ZSWIM6: variants seen among roughly 807,000 people sequenced by gnomAD.
ZSWIM6 encodes the protein zinc finger SWIM domain-containing protein 6.
Under a neutral mutation model 113.2 loss-of-function variants are expected in ZSWIM6, and 9 were observed. The observed-to-expected ratio is 0.08, with a 90% confidence interval of 0.05 to 0.14. The LOEUF is 0.14. ZSWIM6 is among the 10% of genes least tolerant of loss of function. The pLI is 1.00. For synonymous variants in ZSWIM6, 611 were observed against 606.5 expected (o/e 1.01, Z -0.11); for missense variants, 1,162 against 1,552.2 (o/e 0.75, Z 4.22).
chr5:61,417,474 T>C (rs1211240423), intron 1 of ZSWIM6, among the ~76,000 whole-genome samples: 1 of 152,182 alleles, frequency 6.6e-6, no homozygotes, highest in Non-Finnish European at 1.5e-5. Context: ...GGGTACTGTT[T>C]TTAGGTATGG....
At chr5:61,386,710 A>T (rs919908793) in intron 1 of ZSWIM6, among the ~76,000 whole-genome samples, 3 of 152,202 alleles carry the variant, frequency 2.0e-5, no homozygotes, top group African/African-American at 7.2e-5. Context: ...GCTAATCAGG[A>T]ATATATTTTG....
At chr5:61,337,285 CA>C (rs78369484) in intron 1 of ZSWIM6, among the ~76,000 whole-genome samples, 9 of 150,268 alleles carry the variant, frequency 6.0e-5, no homozygotes, top group Non-Finnish European at 8.9e-5. Flanking sequence ...TCTCCCCCCC[CA>C]AAAAAAACAA....
intron 2 of ZSWIM6, among the ~76,000 whole-genome samples, chr5:61,484,655 A>G (rs1445174480): frequency 6.6e-6 from 1 of 152,226 alleles, no homozygotes; most frequent in Non-Finnish European, 1.5e-5. Flanking sequence ...TGTGGGATAC[A>G]GTTATAGACC....
At position 61,530,113 on chromosome 5, in the gene ZSWIM6, G is replaced by A; in HGVS notation, c.1899G>A (p.Leu633=). 6.4e-7 allele frequency: 1 copy of A among 1,551,704 alleles called. No individual in the cohort carries two copies. The highest frequency in any genetic ancestry group is 1.2e-5 in the South Asian group (1 of 84,044). The change falls in exon 8 of 14, where the codon CTG becomes CTA. Residue 633 remains leucine, a synonymous_variant. Coordinates refer to ENST00000252744, the MANE Select transcript of ZSWIM6 (RefSeq NM_020928.2). ...TGGAGGGCTGGGTTGGACATCCCCT[G>A]GACCCTGTGGGCACTCTCTTCAGTA... ...TNLEGWVGHP[L]DPVGTLFSSL...
intron 1 of ZSWIM6, among the ~76,000 whole-genome samples, chr5:61,452,671 A>C (rs772432546): frequency 6.6e-6 from 1 of 152,140 alleles, no homozygotes; most frequent in Admixed American, 6.6e-5. Context: ...AACCTCCCCT[A>C]ATGTTAATAT....
chr5:61,411,771 G>A (rs1746152119), intron 1 of ZSWIM6, among the ~76,000 whole-genome samples: 1 of 152,082 alleles, frequency 6.6e-6, no homozygotes, highest in Non-Finnish European at 1.5e-5. Flanking sequence ...GGTCTCTCTT[G>A]GGCCTCTTTT....
rs1476285501 is a variant in ZSWIM6 at position 61,472,849 on chromosome 5, G to A, written c.845G>A (p.Arg282His). ...CATGTTGTGGCACTGTCTTTATACCGCATCCGCAAGCCAGATCAGGTCAAA... is the reference window on the plus strand; with the variant it reads ...CATGTTGTGGCACTGTCTTTATACCACATCCGCAAGCCAGATCAGGTCAAA... ...CAHVVALSLY[R>H]IRKPDQVKLH... The change falls in exon 2 of 14, where the codon CGC becomes CAC. Residue 282 changes from arginine to histidine, a missense_variant. Around this residue, in one of 4 missense-constraint regions of ZSWIM6, gnomAD observed 96 missense variants for 240.3 expected, o/e 0.40. Transcript: ENST00000252744. This position sits in a 1 kb window ranked among gnomAD's most constrained non-coding sequence, Gnocchi z 4.1. 1 of 1,551,412 alleles carries A rather than the reference G, an allele frequency of 6.4e-7. No homozygotes were observed. The highest frequency in any genetic ancestry group is 8.7e-7 in the Non-Finnish European group (1 of 1,146,936).
rs112067821 is a variant in ZSWIM6, at chr5:61,336,538, A to T, written c.676+3590A>T. 1.9e-4 allele frequency among the ~76,000 whole-genome samples: 29 copies of T among 152,284 alleles called. 2 individuals are homozygous for T. The highest frequency in any genetic ancestry group is 7.0e-4 in the African/African-American group (29 of 41,562). ...TTTGGGAGGCTGAGGTGGGTGGATC[A>T]TTTGAGGTCAGGAGTTCGAGAGCAG... On this transcript the variant is annotated intron_variant, in intron 1 of 13. Coordinates refer to ENST00000252744, the MANE Select transcript of ZSWIM6 (RefSeq NM_020928.2).
intron 4 of ZSWIM6, among the ~76,000 whole-genome samples, chr5:61,496,936 T>C (rs938233589): frequency 1.3e-5 from 2 of 152,172 alleles, no homozygotes; most frequent in Non-Finnish European, 2.9e-5. Context: ...TGAATCATTA[T>C]ACTTGTCAAC....
At chr5:61,396,933 A>G (rs1417600474) in intron 1 of ZSWIM6, among the ~76,000 whole-genome samples, 1 of 152,238 alleles carries the variant, frequency 6.6e-6, no homozygotes, top group African/African-American at 2.4e-5. Flanking sequence ...AAACATAATA[A>G]CAATAAATTT....
At position 61,531,656 on chromosome 5, in the gene ZSWIM6, C is replaced by T; in HGVS notation, c.2176C>T (p.Leu726Phe). 1 of 1,551,692 alleles carries T rather than the reference C, an allele frequency of 6.4e-7. No individual in the cohort carries two copies. The highest frequency in any genetic ancestry group is 8.7e-7 in the Non-Finnish European group (1 of 1,146,980). ...GAATGAGGAGCAGCTCATTTCTAAG[C>T]TTCAGGAAATTGAATTGGATGACAC... ...CRNEEQLISKLQEIELDDTLV... is the reference protein window; with the variant it reads ...CRNEEQLISKFQEIELDDTLV... Residue 726 changes from leucine (L) to phenylalanine (F), a missense_variant, in exon 9 of 14, where the codon CTT becomes TTT. Transcript: ENST00000252744.
At chr5:61,401,345 G>A (rs143374032) in intron 1 of ZSWIM6, among the ~76,000 whole-genome samples, 1,748 of 152,238 alleles carry the variant, frequency 0.011, 23 homozygotes, top group Non-Finnish European at 0.02. Context: ...TCAAAAGACT[G>A]TAACTTTAAA....
chr5:61,378,410 G>A (rs765103389), intron 1 of ZSWIM6, among the ~76,000 whole-genome samples: 25 of 152,274 alleles, frequency 1.6e-4, no homozygotes, highest in Non-Finnish European at 3.4e-4. Context: ...TTTTGCTGCC[G>A]TTTGAGGAGA....
At chr5:61,538,575 G>C (rs2112288242) in intron 10 of ZSWIM6, among the ~76,000 whole-genome samples, 1 of 152,252 alleles carries the variant, frequency 6.6e-6, no homozygotes, top group South Asian at 2.1e-4. Context: ...TTAGGTTTGG[G>C]TGATGAACAA....
In ZSWIM6 at chr5:61,483,602, C is replaced by T. The variant is rs1747936314; in HGVS notation, c.1034-7184C>T. Reference sequence around the variant, plus strand: ...ATATAATAGTGTCTGGGTATGGTGGCTCACACCTGTAATCCCAGCACTTTG... The same window carrying T: ...ATATAATAGTGTCTGGGTATGGTGGTTCACACCTGTAATCCCAGCACTTTG... On this transcript the variant is annotated intron_variant, in intron 2 of 13. Coordinates refer to ENST00000252744, the MANE Select transcript of ZSWIM6 (RefSeq NM_020928.2). Among the ~76,000 whole-genome samples, 3 of 151,632 alleles carry T rather than the reference C, an allele frequency of 2.0e-5. No homozygotes were observed. In the South Asian group the frequency reaches 6.2e-4, roughly 31 times the overall value.
chr5:61,467,228 AAG>A (rs1371891116), intron 1 of ZSWIM6, among the ~76,000 whole-genome samples: 1 of 152,250 alleles, frequency 6.6e-6, no homozygotes, highest in East Asian at 1.9e-4. Context: ...TGAAATTAAA[AAG>A]AAAAAAATAT....
At chr5:61,529,065 G>A (rs913925646) in intron 7 of ZSWIM6, among the ~76,000 whole-genome samples, 2 of 152,112 alleles carry the variant, frequency 1.3e-5, no homozygotes, top group African/African-American at 2.4e-5. Context: ...AAAATTGGCC[G>A]GGCGTGATGG....
intron 4 of ZSWIM6, among the ~76,000 whole-genome samples, chr5:61,515,805 C>CT (rs1748918910): frequency 6.6e-6 from 1 of 152,116 alleles, no homozygotes; most frequent in Non-Finnish European, 1.5e-5. Flanking sequence ...CCTTTAAGCT[C>CT]TGTCAGTTTT....
intron 1 of ZSWIM6, among the ~76,000 whole-genome samples, chr5:61,387,296 C>T (rs11738493): frequency 0.1 from 15,559 of 152,212 alleles, 998 homozygotes; most frequent in Middle Eastern, 0.15. Context: ...ATATTTCATG[C>T]TGATGAAACT....
Sources: allele counts gnomAD v4.1 joint callset (sites outside exome capture counted in the v4.1 genomes callset), GRCh38; gene constraint gnomAD v4.1.1; regional missense constraint gnomAD v4.1.1; non-coding constraint Gnocchi (gnomAD v3.1); transcripts MANE v1.5; gene names NCBI Gene and HGNC (gene_info 2026-07-23, HGNC 2026-07-21).